Variants in HDAC9 observed in about 807,000 individuals in gnomAD.
The protein encoded by HDAC9 is histone deacetylase 9.
A neutral mutation model predicts 139.4 loss-of-function variants in HDAC9; 41 were observed. The ratio of observed to expected loss-of-function variants is 0.29; its 90% CI spans 0.23 to 0.38. The LOEUF (loss-of-function observed/expected upper bound fraction) is 0.38, where lower values mean the gene tolerates loss of function less well. Among genes scored for constraint, HDAC9 ranks in the 10% least tolerant of loss-of-function variants. HDAC9 has a pLI of 1.00. For synonymous variants in HDAC9, 517 were observed against 476.2 expected (o/e 1.09, Z -1.12); for missense variants, 1,147 against 1,297.0 (o/e 0.88, Z 1.78).
chr7:18,445,644 C>T (rs1027095835), intron 1 of HDAC9, among the ~76,000 whole-genome samples: 2 of 152,194 alleles, frequency 1.3e-5, no homozygotes, highest in Non-Finnish European at 2.9e-5. Context: ...AGTAATTGCT[C>T]TCCTGTATGT....
At position 18,226,776 on chromosome 7, in the gene HDAC9, G is replaced by A. The variant is rs555464075; in HGVS notation, c.25+64427G>A. ...ATTCAGCATGGCCGGTTACAGCCTA[G>A]GCTAAGAGACAGAATCTGGAGTGAT... On this transcript the variant is annotated intron_variant, in intron 2 of 12. Transcript: ENST00000417496. Among the ~76,000 whole-genome samples, 4 of 152,348 alleles carry A rather than the reference G, an allele frequency of 2.6e-5. No homozygotes were observed. In the East Asian group the frequency reaches 7.7e-4, roughly 29 times the overall value.
At chr7:18,213,701 T>C (rs952533464) in intron 2 of HDAC9, among the ~76,000 whole-genome samples, 2 of 152,168 alleles carry the variant, frequency 1.3e-5, no homozygotes, top group African/African-American at 4.8e-5. Flanking sequence ...TACAGCCTAC[T>C]TTTAGGAGAT....
intron 13 of HDAC9, among the ~76,000 whole-genome samples, chr7:18,732,765 GTGTGCGTATGTGTACACACACGTGTGTT>G (rs1786294785): frequency 6.5e-5 from 5 of 77,080 alleles, no homozygotes; most frequent in Non-Finnish European, 7.5e-5. Context: ...ACACGTGTAT[GTGTGCGTATGTGTACACACACGTGTGTT>G]TGTGTGCGTA....
chr7:18,697,835 TTTATTTTAGGGTTGGATG>T lies in HDAC9; in HGVS notation c.1732-29730_1732-29713del, dbSNP rs1186693039. On this transcript the variant is annotated intron_variant, in intron 12 of 25. Transcript: ENST00000686413. ...TGTTATGCTCATGACTGCCAAGATT[TTTATTTTAGGGTTGGATG>T]TTATTTTAGGGTTGAATTTTAGGGA... Among the ~76,000 whole-genome samples the T allele has an allele frequency of 5.3e-5, 8 of 152,194 alleles. No individual in the cohort carries two copies. In the South Asian group the frequency reaches 1.7e-3, roughly 32 times the overall value.
At chr7:18,757,419 G>A (rs1374160658) in intron 14 of HDAC9, among the ~76,000 whole-genome samples, 1 of 152,046 alleles carries the variant, frequency 6.6e-6, no homozygotes, top group Non-Finnish European at 1.5e-5. Flanking sequence ...ATTTAAGTTG[G>A]ACATTTTCTC....
chr7:18,582,020 T>C (rs1361300307), intron 2 of HDAC9, among the ~76,000 whole-genome samples: 3 of 152,186 alleles, frequency 2.0e-5, no homozygotes, highest in Non-Finnish European at 2.9e-5. Flanking sequence ...CAACCCAAGA[T>C]TGATATCAGT....
At position 18,569,063 on chromosome 7, in the gene HDAC9, T is replaced by TAAAATAAAATA. The variant is rs150556087; in HGVS notation, c.23-16215_23-16214insATAAAATAAAA. On this transcript the variant is annotated intron_variant, in intron 2 of 25. Transcript: ENST00000686413. Reference sequence around the variant, plus strand: ...ATTCTGTCTCAAAAAAATAAATAAATAAATAAAATAAAATAAAATTTGGCT... The same window carrying TAAAATAAAATA: ...ATTCTGTCTCAAAAAAATAAATAAATAAAATAAAATAAAATAAAATAAAATAAAATTTGGCT... 7.1e-3 allele frequency among the ~76,000 whole-genome samples: 1,075 copies of TAAAATAAAATA among 151,360 alleles called. 5 individuals carry two copies. The highest frequency in any genetic ancestry group is 0.022 in the South Asian group (106 of 4,758).
At chr7:18,308,327 A>G (rs558488504) in intron 1 of HDAC9, among the ~76,000 whole-genome samples, 32 of 152,324 alleles carry the variant, frequency 2.1e-4, no homozygotes, top group African/African-American at 7.5e-4. Context: ...TGTTTCTTTC[A>G]TAGTTATATA....
intron 12 of HDAC9, among the ~76,000 whole-genome samples, chr7:18,705,460 G>A (rs142272995): frequency 2.0e-4 from 31 of 152,174 alleles, no homozygotes; most frequent in African/African-American, 7.0e-4. Flanking sequence ...GATCTCACCC[G>A]TTTGCTCACA....
At chr7:18,172,607 TAC>T (rs1788541498) in intron 2 of HDAC9, among the ~76,000 whole-genome samples, 1 of 152,248 alleles carries the variant, frequency 6.6e-6, no homozygotes, top group African/African-American at 2.4e-5. Context: ...AATTTCCCTC[TAC>T]ACACTGCTTT....
intron 21 of HDAC9, among the ~76,000 whole-genome samples, chr7:18,844,715 G>A (rs1460711522): frequency 6.6e-6 from 1 of 152,162 alleles, no homozygotes; most frequent in Non-Finnish European, 1.5e-5. Context: ...TCAAACCCAA[G>A]AGCAAGAATA....
intron 13 of HDAC9, among the ~76,000 whole-genome samples, chr7:18,740,309 G>T (rs1012692738): frequency 1.3e-5 from 2 of 152,124 alleles, no homozygotes; most frequent in East Asian, 1.9e-4. Context: ...AGATGAACCA[G>T]GTACCTCAGT....
At chr7:18,748,071 C>G (rs1379865149) in intron 13 of HDAC9, among the ~76,000 whole-genome samples, 2 of 152,074 alleles carry the variant, frequency 1.3e-5, no homozygotes, top group African/African-American at 4.8e-5. Flanking sequence ...TAAATAATTT[C>G]TTATGTCAGG....
intron 2 of HDAC9, among the ~76,000 whole-genome samples, chr7:18,528,266 T>A (rs745935982): frequency 3.1e-4 from 46 of 149,614 alleles, no homozygotes; most frequent in Non-Finnish European, 6.5e-4. Flanking sequence ...TTTTTTTTTT[T>A]AAATTAGGTC....
intron 12 of HDAC9, among the ~76,000 whole-genome samples, chr7:18,724,917 T>C (rs923115828): frequency 6.6e-6 from 1 of 152,054 alleles, no homozygotes; most frequent in African/African-American, 2.4e-5. Flanking sequence ...AAACAAAATG[T>C]GATGGGAATG....
At chr7:18,888,567 A>G (rs1800382168) in intron 22 of HDAC9, among the ~76,000 whole-genome samples, 1 of 152,246 alleles carries the variant, frequency 6.6e-6, no homozygotes. Context: ...TTGTCTTACA[A>G]GTGTCTATAT....
upstream of HDAC9, among the ~76,000 whole-genome samples, chr7:18,286,527 A>T (rs561211668): frequency 9.2e-5 from 14 of 151,676 alleles, no homozygotes; most frequent in African/African-American, 3.1e-4. Flanking sequence ...GGTACCTAGG[A>T]GGATCAGCTT....
At chr7:18,267,459 A>G (rs1796079116) in intron 2 of HDAC9, among the ~76,000 whole-genome samples, 1 of 151,946 alleles carries the variant, frequency 6.6e-6, no homozygotes, top group African/African-American at 2.4e-5. Context: ...TCCCCACAAC[A>G]CTGTTATTAG....
chr7:18,918,133 G>A (rs1036171365), intron 22 of HDAC9, among the ~76,000 whole-genome samples: 8 of 152,032 alleles, frequency 5.3e-5, no homozygotes, highest in Non-Finnish European at 1.2e-4. Flanking sequence ...ATTTCTGATT[G>A]GAGATAAGGG....
Sources: allele counts gnomAD v4.1 joint callset (sites outside exome capture counted in the v4.1 genomes callset), GRCh38; gene constraint gnomAD v4.1.1; transcripts MANE v1.5; gene names NCBI Gene and HGNC (gene_info 2026-07-23, HGNC 2026-07-21).